SDC2: variants seen among roughly 807,000 people sequenced by gnomAD.
The protein encoded by SDC2 is syndecan-2.
Under a neutral mutation model 22.2 loss-of-function variants are expected in SDC2, and 13 were observed. The ratio of observed to expected loss-of-function variants is 0.59; its 90% CI spans 0.38 to 0.93. The LOEUF is 0.93. Ranked by LOEUF, SDC2 falls within the 40% of genes least tolerant of loss-of-function variation. SDC2 has a pLI of 0.00. For synonymous variants in SDC2, 94 were observed against 92.8 expected, an observed-to-expected ratio of 1.01 and a Z score of -0.07; for missense variants, 235 against 246.8, an observed-to-expected ratio of 0.95 and a Z score of 0.32.
At chr8:96,569,433 T>G (rs903078430) in intron 1 of SDC2, among the ~76,000 whole-genome samples, 4 of 152,192 alleles carry the variant, frequency 2.6e-5, no homozygotes, top group Non-Finnish European at 4.4e-5. Context: ...TACACCACAC[T>G]TAGCAGAGTA....
At chr8:96,546,000 C>T (rs13274209) in intron 1 of SDC2, among the ~76,000 whole-genome samples, 1 of 152,206 alleles carries the variant, frequency 6.6e-6, no homozygotes, top group African/African-American at 2.4e-5. Flanking sequence ...CAGTCAGGCT[C>T]TACAGGGTAG....
intron 1 of SDC2, among the ~76,000 whole-genome samples, chr8:96,537,082 T>C (rs1226001004): frequency 1.3e-5 from 2 of 152,186 alleles, no homozygotes; most frequent in Non-Finnish European, 2.9e-5. Context: ...CTTCTAATAT[T>C]GGTGCATTAT....
At chr8:96,494,481 C>A in intron 1 of SDC2, 150 bp downstream of exon 1, 1 of 702,856 alleles carries the variant, frequency 1.4e-6, no homozygotes, top group South Asian at 2.1e-5. Context: ...CTCGTCCGGT[C>A]ACCCTTTCCC....
Position 96,508,078 on chromosome 8 carries a change from C to T in SDC2, c.60+13747C>T, listed in dbSNP as rs939187065. Reference sequence around the variant, plus strand: ...TTGGGAGGCCGAGGCGGGTGGATCACGAGGCCAGGAGATCAAGACCATCTT... The same window carrying T: ...TTGGGAGGCCGAGGCGGGTGGATCATGAGGCCAGGAGATCAAGACCATCTT... On this transcript the variant is annotated intron_variant, in intron 1 of 4. Coordinates refer to ENST00000302190, the MANE Select transcript of SDC2 (RefSeq NM_002998.4). Among the ~76,000 whole-genome samples the T allele has an allele frequency of 5.9e-5, 9 of 152,114 alleles. 1 individual carries two copies. The highest frequency in any genetic ancestry group is 4.1e-4 in the South Asian group (2 of 4,830).
intron 3 of SDC2, among the ~76,000 whole-genome samples, chr8:96,607,875 C>T (rs1033618740): frequency 2.6e-5 from 4 of 151,900 alleles, no homozygotes; most frequent in Non-Finnish European, 5.9e-5. Flanking sequence ...AGAGTGGGGA[C>T]AGGAAAAGCC....
intron 1 of SDC2, among the ~76,000 whole-genome samples, chr8:96,581,571 GCAGTGA>G (rs1037097145): frequency 3.9e-5 from 6 of 152,014 alleles, no homozygotes; most frequent in African/African-American, 1.4e-4. Flanking sequence ...GGCAGAGGTT[GCAGTGA>G]GCCGAGATTG....
chr8:96,602,282 G>A (rs1186405553), intron 2 of SDC2, 113 bp from the exon 3 acceptor site: 4 of 1,103,698 alleles, frequency 3.6e-6, no homozygotes, highest in South Asian at 1.5e-5. Context: ...TAAAGAGCCA[G>A]CATTTTGAAA....
At chr8:96,573,806 C>T (rs190295239) in intron 1 of SDC2, among the ~76,000 whole-genome samples, 1 of 152,208 alleles carries the variant, frequency 6.6e-6, no homozygotes, top group East Asian at 1.9e-4. Context: ...TCTCCTTGAA[C>T]ATCCCTCATT....
At chr8:96,606,002 C>G (rs1307386959) in intron 3 of SDC2, among the ~76,000 whole-genome samples, 2 of 152,206 alleles carry the variant, frequency 1.3e-5, no homozygotes, top group African/African-American at 4.8e-5. Context: ...TGAACTCTAG[C>G]CTTCAGAAAG....
At chr8:96,537,231 T>G (rs999681) in intron 1 of SDC2, 87,218 of 152,018 alleles carry the variant, frequency 0.57, 26,623 homozygotes, top group Non-Finnish European at 0.7. Flanking sequence ...CCAAAAGAAT[T>G]TATAAATGGT....
In SDC2 at chr8:96,591,748, G is replaced by GGACAAAGTTTAA. The variant is rs562311076; in HGVS notation, c.61-1726_61-1715dup. 5.9e-4 allele frequency among the ~76,000 whole-genome samples: 89 copies of GGACAAAGTTTAA among 152,130 alleles called. No individual in the cohort carries two copies. The East Asian group carries it at 0.017, about 29-fold the overall frequency. ...GGAGGTCCTCCAGGGGAAGTAAATGGGACAAAGTTTAAGACAAGCAGGACG... is the reference window on the plus strand; with the variant it reads ...GGAGGTCCTCCAGGGGAAGTAAATGGGACAAAGTTTAAGACAAAGTTTAAGACAAGCAGGACG... On this transcript the variant is annotated intron_variant, in intron 1 of 4. Transcript: ENST00000302190.
At position 96,562,794 on chromosome 8, in the gene SDC2, A is replaced by G. The variant is rs188859064; in HGVS notation, c.61-30686A>G. Among the ~76,000 whole-genome samples the G allele has an allele frequency of 7.6e-4, 116 of 152,278 alleles. 1 individual carries two copies. The highest frequency in any genetic ancestry group is 2.7e-3 in the African/African-American group (112 of 41,556). On this transcript the variant is annotated intron_variant, in intron 1 of 4. Transcript: ENST00000302190. The stretch of plus-strand genomic sequence containing the variant: ...GCTTAAATTGCCCCATTTCTGTTCC[A>G]TATCTTAAGGCTGACCTCCATTCCA...
At chr8:96,513,857 T>C (rs1020552943) in intron 1 of SDC2, among the ~76,000 whole-genome samples, 1 of 152,162 alleles carries the variant, frequency 6.6e-6, no homozygotes, top group Admixed American at 6.5e-5. Context: ...GGAGCTAAGC[T>C]GGTGTTTGTT....
At chr8:96,510,255 G>C (rs1327684730) in intron 1 of SDC2, among the ~76,000 whole-genome samples, 1 of 152,152 alleles carries the variant, frequency 6.6e-6, no homozygotes, top group African/African-American at 2.4e-5. Context: ...TCTTAATAAT[G>C]GTCTTCTTAC....
chr8:96,534,574 A>T (rs1222521998), intron 1 of SDC2, among the ~76,000 whole-genome samples: 2 of 152,020 alleles, frequency 1.3e-5, no homozygotes, highest in Non-Finnish European at 2.9e-5. Context: ...AGCCAAGACT[A>T]TAGGCGCATA....
intron 1 of SDC2, among the ~76,000 whole-genome samples, chr8:96,504,458 G>A (rs1813209664): frequency 6.6e-6 from 1 of 152,174 alleles, no homozygotes; most frequent in African/African-American, 2.4e-5. Context: ...TCAGTTTCTG[G>A]TATTACCACT....
chr8:96,513,920 T>C (rs544298288), intron 1 of SDC2, among the ~76,000 whole-genome samples: 8 of 152,314 alleles, frequency 5.3e-5, no homozygotes, highest in African/African-American at 1.7e-4. Context: ...ATCAACTGGC[T>C]GGGGAGAGTC....
At chr8:96,607,279 C>T (rs1306861120) in intron 3 of SDC2, among the ~76,000 whole-genome samples, 2 of 152,084 alleles carry the variant, frequency 1.3e-5, no homozygotes, top group African/African-American at 2.4e-5. Context: ...CTACCCAACA[C>T]CTGCAGTTCT....
chr8:96,496,106 C>T (rs1445527757), intron 1 of SDC2, among the ~76,000 whole-genome samples: 1 of 151,066 alleles, frequency 6.6e-6, no homozygotes, highest in Non-Finnish European at 1.5e-5. Flanking sequence ...TAAGGAGGCC[C>T]TTTTTTTTTG....
Sources: gnomAD v4.1 joint callset for allele counts (sites outside exome capture counted in the v4.1 genomes callset) on GRCh38, gnomAD v4.1.1 for gene constraint, MANE v1.5 for transcripts, NCBI Gene and HGNC (gene_info 2026-07-23, HGNC 2026-07-21) for gene names.